RANBP2: variants seen among roughly 807,000 people sequenced by gnomAD.
The protein encoded by RANBP2 is E3 SUMO-protein ligase RanBP2.
RANBP2 carries 57 observed loss-of-function variants against 303.6 expected under a neutral mutation model. That is an observed-to-expected ratio of 0.19 (90% CI 0.15 to 0.23). The LOEUF (loss-of-function observed/expected upper bound fraction) is 0.23. RANBP2 is among the 10% of genes least tolerant of loss of function. RANBP2 has a pLI of 1.00. For missense variants in RANBP2, 3,138 were observed against 3,780.8 expected (o/e 0.83, Z 4.46); for synonymous variants, 1,167 against 1,301.5 (o/e 0.90, Z 2.23).
the RANBP2 span, among the ~76,000 whole-genome samples, chr2:108,951,271 C>T: frequency 6.6e-6 from 1 of 152,168 alleles, no homozygotes; most frequent in Non-Finnish European, 1.5e-5. Context: ...CAGGCCAATG[C>T]CATGTAATTC....
chr2:109,067,386 A>T, the RANBP2 span, among the ~76,000 whole-genome samples: 1 of 152,230 alleles, frequency 6.6e-6, no homozygotes, highest in Non-Finnish European at 1.5e-5. Flanking sequence ...AAAGATAGCT[A>T]CTGCATAATC....
the RANBP2 span, among the ~76,000 whole-genome samples, chr2:109,582,070 C>G: frequency 1.0e-5 from 1 of 100,350 alleles, no homozygotes; most frequent in Non-Finnish European, 2.0e-5. Flanking sequence ...ATGCCATGTA[C>G]AACAGACACA....
the RANBP2 span, among the ~76,000 whole-genome samples, chr2:109,334,669 G>T: frequency 6.6e-6 from 1 of 152,200 alleles, no homozygotes; most frequent in Non-Finnish European, 1.5e-5. Context: ...ATGCAGACAA[G>T]AGGGAAAGGA....
At chr2:108,990,687 C>A in the RANBP2 span, among the ~76,000 whole-genome samples, 1 of 152,160 alleles carries the variant, frequency 6.6e-6, no homozygotes, top group Non-Finnish European at 1.5e-5. Context: ...TCTGCCTCCA[C>A]AGAGATTAAG....
chr2:109,273,074 T>A, the RANBP2 span, among the ~76,000 whole-genome samples: 1 of 152,238 alleles, frequency 6.6e-6, no homozygotes, highest in Admixed American at 6.5e-5. Flanking sequence ...TAGAAGTTGT[T>A]TACTGAGTAT....
chr2:108,753,790 A>G (rs1200577061), intron 14 of RANBP2, 35 bp from the exon 15 acceptor site: 1 of 1,611,646 alleles, frequency 6.2e-7, no homozygotes, highest in East Asian at 2.2e-5. Context: ...TTGTTTTAAA[A>G]ACCTAATGAT....
the RANBP2 span, among the ~76,000 whole-genome samples, chr2:109,683,455 A>G: frequency 6.6e-6 from 1 of 152,056 alleles, no homozygotes; most frequent in Non-Finnish European, 1.5e-5. Flanking sequence ...TCTGGGGGTG[A>G]AGAGGAAGTT....
At chr2:109,108,385 G>T in the RANBP2 span, among the ~76,000 whole-genome samples, 1 of 152,136 alleles carries the variant, frequency 6.6e-6, no homozygotes, top group Non-Finnish European at 1.5e-5. Flanking sequence ...TTATATTTAG[G>T]TGAACACATA....
At chr2:109,727,771 G>A in the RANBP2 span, among the ~76,000 whole-genome samples, 2 of 152,174 alleles carry the variant, frequency 1.3e-5, no homozygotes, top group African/African-American at 2.4e-5. Context: ...CCAGATGCCT[G>A]CTTACCCAGG....
At chr2:109,574,257 C>T in the RANBP2 span, among the ~76,000 whole-genome samples, 6 of 151,032 alleles carry the variant, frequency 4.0e-5, no homozygotes, top group African/African-American at 1.5e-4. Context: ...GGGCAACATA[C>T]CAAGACATCC....
the RANBP2 span, among the ~76,000 whole-genome samples, chr2:108,921,232 C>A: frequency 6.6e-6 from 1 of 152,122 alleles, no homozygotes; most frequent in African/African-American, 2.4e-5. Flanking sequence ...GCTGTGGGCA[C>A]TCCTAGGCTG....
At chr2:108,786,693 C>CGCCCCGCCCCGCCCCGCCCT (rs1420684958), downstream of RANBP2, 22 of 867,260 alleles carry the variant, frequency 2.5e-5, 1 homozygote, top group African/African-American at 3.8e-4. Context: ...CGCCCCGCCC[C>CGCCCCGCCCCGCCCCGCCCT]GCCCTTTCCC....
At chr2:109,498,841 G>A in the RANBP2 span, among the ~76,000 whole-genome samples, 1 of 152,216 alleles carries the variant, frequency 6.6e-6, no homozygotes. Context: ...GCTGGGAAAG[G>A]GCAGGCCCGG....
the RANBP2 span, among the ~76,000 whole-genome samples, chr2:108,809,712 TGAGAA>T: frequency 6.6e-6 from 1 of 152,218 alleles, no homozygotes; most frequent in African/African-American, 2.4e-5. Flanking sequence ...TTATCAGTTC[TGAGAA>T]ATTTTTGGTG....
At chr2:108,855,763 C>T in the RANBP2 span, among the ~76,000 whole-genome samples, 1 of 152,172 alleles carries the variant, frequency 6.6e-6, no homozygotes, top group African/African-American at 2.4e-5. Flanking sequence ...TCTTAATAAC[C>T]AGGGTTTTAA....
the RANBP2 span, among the ~76,000 whole-genome samples, chr2:109,187,361 CTT>C: frequency 2.0e-5 from 3 of 150,326 alleles, no homozygotes; most frequent in East Asian, 1.9e-4. Flanking sequence ...CAACCACAGA[CTT>C]TTTTTTTTTA....
At chr2:109,563,207 C>T in the RANBP2 span, among the ~76,000 whole-genome samples, 2 of 152,124 alleles carry the variant, frequency 1.3e-5, no homozygotes, top group Admixed American at 6.5e-5. Context: ...CCACCACACC[C>T]GGCCATAAGT....
chr2:109,619,007 C>CT, the RANBP2 span: 2 of 166,988 alleles, frequency 1.2e-5, no homozygotes, highest in East Asian at 3.8e-4. Context: ...TCTGAATTGT[C>CT]TAAGTTTCTG....
chr2:109,732,772 A>G, the RANBP2 span: 17 of 825,740 alleles, frequency 2.1e-5, no homozygotes, highest in Middle Eastern at 2.4e-4. Flanking sequence ...ACAAGACTGA[A>G]TTGGAACAGA....
Sources: allele counts gnomAD v4.1 joint callset (sites outside exome capture counted in the v4.1 genomes callset), GRCh38; gene constraint gnomAD v4.1.1; transcripts MANE v1.5; gene names NCBI Gene and HGNC (gene_info 2026-07-23, HGNC 2026-07-21).